The following CHN2 variants were observed in gnomAD, a reference collection of about 807,000 sequenced individuals.
CHN2 encodes the protein beta-chimaerin.
In CHN2, 35 loss-of-function variants were observed where a neutral mutation model predicts 56.3. The observed-to-expected ratio is 0.62, with a 90% CI of 0.47 to 0.82. The LOEUF is 0.82. CHN2 is among the 40% of genes least tolerant of loss of function. The probability of loss-of-function intolerance (pLI) is 0.00; values close to 1 mark genes in which losing one functional copy is unlikely to be tolerated. For synonymous variants in CHN2, 210 were observed against 212.8 expected, an observed-to-expected ratio of 0.99 and a Z score of 0.12; for missense variants, 491 against 580.5, an observed-to-expected ratio of 0.85 and a Z score of 1.58.
Position 29,398,404 on chromosome 7 carries a change from G to A in CHN2, c.208G>A (p.Asp70Asn). The change falls in exon 5 of 13, where the codon GAT (aspartate) becomes AAT (asparagine). Residue 70 changes from aspartate to asparagine, a missense_variant. Physicochemically the swap from Asp to Asn is conservative, Grantham distance 23 (BLOSUM62 1). Transcript: ENST00000222792. ...TGGGATCATCTCTCGGGAGCAGGCGGATGAGCTTCTTGGAGGCGTGGAGGG... is the reference window on the plus strand; with the variant it reads ...TGGGATCATCTCTCGGGAGCAGGCGAATGAGCTTCTTGGAGGCGTGGAGGG... ...FHGIISREQA[D>N]ELLGGVEGAY... 1 of 1,613,582 alleles carries A rather than the reference G, an allele frequency of 6.2e-7. No individual in the cohort carries two copies. Among genetic ancestry groups the A allele is most frequent in the Non-Finnish European group, 8.5e-7 (1 of 1,179,992 alleles).
rs554494772 is a variant in CHN2 at position 29,279,474 on chromosome 7, T to C, written c.50-75151T>C. Among the ~76,000 whole-genome samples the C allele has an allele frequency of 2.0e-4, 31 of 152,384 alleles. 1 individual carries two copies. The South Asian group carries it at 6.0e-3, about 30-fold the overall frequency. The stretch of plus-strand genomic sequence containing the variant: ...CAACAAACATTTATGGAGACCTGAA[T>C]TTGTTCCACATGTTGGGAATACCTT... On this transcript the variant is annotated intron_variant, in intron 1 of 12. Coordinates refer to ENST00000222792, the MANE Select transcript of CHN2 (RefSeq NM_004067.4).
chr7:29,453,960 C>T (rs1448009222), intron 6 of CHN2, among the ~76,000 whole-genome samples: 2 of 152,090 alleles, frequency 1.3e-5, no homozygotes, highest in African/African-American at 2.4e-5. Context: ...TCCCACCTTC[C>T]GTCACGGCCC....
At chr7:29,250,707 T>A (rs762567466) in intron 1 of CHN2, among the ~76,000 whole-genome samples, 9 of 141,308 alleles carry the variant, frequency 6.4e-5, no homozygotes, top group Admixed American at 7.3e-5. Context: ...TACCTGAACT[T>A]CTTCTTTTTT....
At chr7:29,195,706 TC>T (rs1783651503) in intron 1 of CHN2, among the ~76,000 whole-genome samples, 1 of 151,954 alleles carries the variant, frequency 6.6e-6, no homozygotes. Context: ...GGCTGTAATT[TC>T]ACTAGCAAGG....
In CHN2 at chr7:29,472,465, G is replaced by A. The variant is rs565752286; in HGVS notation, c.577-7814G>A. 6.1e-4 allele frequency among the ~76,000 whole-genome samples: 93 copies of A among 152,288 alleles called. 1 individual carries two copies. Among genetic ancestry groups the A allele is most frequent in the African/African-American group, 1.9e-3 (81 of 41,564 alleles). On this transcript the variant is annotated intron_variant, in intron 6 of 12. Coordinates refer to ENST00000222792, the MANE Select transcript of CHN2 (RefSeq NM_004067.4). ...ACGAATGGCTGCAGCATTTTGCTGC[G>A]TGTTCCTGGATCTGGGCAGGATTTA...
intron 1 of CHN2, among the ~76,000 whole-genome samples, chr7:29,248,730 A>G (rs1223188480): frequency 2.0e-5 from 3 of 152,154 alleles, no homozygotes; most frequent in Admixed American, 6.5e-5. Context: ...CCTCAGCAGC[A>G]TCTACTGGGG....
intron 1 of CHN2, among the ~76,000 whole-genome samples, chr7:29,271,177 G>A (rs1373988815): frequency 1.3e-5 from 2 of 152,120 alleles, no homozygotes; most frequent in Admixed American, 6.5e-5. Flanking sequence ...TTTAGTCAGC[G>A]TCCTGGTCTT....
chr7:29,503,681 T>C (rs1370343743), intron 9 of CHN2, among the ~76,000 whole-genome samples: 1 of 152,234 alleles, frequency 6.6e-6, no homozygotes, highest in Non-Finnish European at 1.5e-5. Context: ...CTCTGATGCA[T>C]ACCTAATGAA....
chr7:29,235,326 A>G (rs748132502), intron 1 of CHN2, among the ~76,000 whole-genome samples: 4 of 152,222 alleles, frequency 2.6e-5, no homozygotes, highest in Non-Finnish European at 5.9e-5. Context: ...AATCAAAACC[A>G]CAATGAGATA....
intron 3 of CHN2, among the ~76,000 whole-genome samples, chr7:29,382,896 G>A (rs1360418709): frequency 1.3e-5 from 2 of 152,176 alleles, no homozygotes; most frequent in Non-Finnish European, 2.9e-5. Flanking sequence ...AGCCGAGGGT[G>A]TGCTTCAGAA....
At chr7:29,188,758 A>AAAC (rs201321287) in intron 2 of CHN2, among the ~76,000 whole-genome samples, 1 of 152,082 alleles carries the variant, frequency 6.6e-6, no homozygotes, top group Non-Finnish European at 1.5e-5. Flanking sequence ...GTTTTGTTAA[A>AAAC]AACAACAACA....
intron 2 of CHN2, among the ~76,000 whole-genome samples, chr7:29,187,785 C>T (rs907575729): frequency 1.3e-5 from 2 of 152,078 alleles, no homozygotes; most frequent in South Asian, 4.1e-4. Context: ...CATCCACTCT[C>T]TCCCCAGGAA....
intron 3 of CHN2, among the ~76,000 whole-genome samples, chr7:29,389,315 A>G (rs7798004): frequency 0.88 from 133,715 of 152,256 alleles, 59,056 homozygotes; most frequent in Non-Finnish European, 0.93. Flanking sequence ...TTGGCTCCAA[A>G]TAACTTATGC....
intron 1 of CHN2, among the ~76,000 whole-genome samples, chr7:29,244,743 C>CTGCCATAATGACCAGTGT (rs1475116132): frequency 1.3e-5 from 2 of 152,220 alleles, no homozygotes; most frequent in Non-Finnish European, 2.9e-5. Context: ...CATCCCAATT[C>CTGCCATAATGACCAGTGT]TGCCATAATG....
At chr7:29,504,322 C>T (rs559532840) in intron 9 of CHN2, among the ~76,000 whole-genome samples, 1 of 152,184 alleles carries the variant, frequency 6.6e-6, no homozygotes, top group Non-Finnish European at 1.5e-5. Context: ...ATCTCATATA[C>T]CCCATAAATA....
intron 6 of CHN2, among the ~76,000 whole-genome samples, chr7:29,408,294 G>A (rs1007639175): frequency 1.3e-5 from 2 of 152,140 alleles, no homozygotes; most frequent in Admixed American, 6.5e-5. Flanking sequence ...GGCACCTGTC[G>A]GTCTTTTTTG....
rs1010584628 is a variant in CHN2, at chr7:29,509,281, A to G, written c.1130-20A>G. 6 of 1,584,876 alleles carry G rather than the reference A, an allele frequency of 3.8e-6. No homozygotes were observed. Among genetic ancestry groups the G allele is most frequent in the Admixed American group, 1.7e-5 (1 of 59,942 alleles). ...AATGCCACACTCTGAACTAATACCC[A>G]TCATGCGTGAACTTCACAGAAATCT... On this transcript the variant is annotated intron_variant, in intron 11 of 12. Transcript: ENST00000222792.
At chr7:29,401,095 C>G (rs190295129) in intron 6 of CHN2, 4 of 370,692 alleles carry the variant, frequency 1.1e-5, no homozygotes, top group Non-Finnish European at 2.0e-5. Context: ...GGTGAAACCC[C>G]GTCTCTACAA....
intron 1 of CHN2, among the ~76,000 whole-genome samples, chr7:29,201,338 G>A (rs1028916545): frequency 6.6e-6 from 1 of 152,098 alleles, no homozygotes; most frequent in African/African-American, 2.4e-5. Context: ...CCAAGCTCCT[G>A]TGACATTAAT....
Sources: allele counts gnomAD v4.1 joint callset (sites outside exome capture counted in the v4.1 genomes callset), GRCh38; gene constraint gnomAD v4.1.1; transcripts MANE v1.5; gene names NCBI Gene and HGNC (gene_info 2026-07-23, HGNC 2026-07-21).